Variants in EIF3I observed in about 807,000 individuals in gnomAD.
EIF3I encodes TGF-beta receptor-interacting protein 1.
EIF3I carries 20 observed loss-of-function variants against 43.3 expected under a neutral mutation model. The observed-to-expected ratio is 0.46, with a 90% CI of 0.32 to 0.67. EIF3I has a LOEUF of 0.67. Among genes scored for constraint, EIF3I ranks in the 30% least tolerant of loss-of-function variants. EIF3I has a pLI of 0.03. For missense variants in EIF3I, 279 were observed against 421.4 expected (o/e 0.66, Z 2.96); for synonymous variants, 167 against 151.7 (o/e 1.10, Z -0.74).
chr1:32,227,311 A>T (rs1429702783), intron 6 of EIF3I, among the ~76,000 whole-genome samples: 1 of 151,248 alleles, frequency 6.6e-6, no homozygotes, highest in African/African-American at 2.4e-5. Context: ...TTAATAAAAA[A>T]TTTTAAAAAG....
At chr1:32,225,749 G>A (rs544292468) in intron 4 of EIF3I, among the ~76,000 whole-genome samples, 8 of 151,838 alleles carry the variant, frequency 5.3e-5, no homozygotes, top group African/African-American at 1.9e-4. Context: ...AAGGCCGGGC[G>A]CGGTGGCTCA....
rs189766883 is a variant in EIF3I, at chr1:32,223,993, C to G, written c.97-41C>G. On this transcript the variant is annotated intron_variant, in intron 2 of 11. Coordinates refer to ENST00000676679, the Ensembl canonical transcript of EIF3I. ...TGGGGCAAAATAGGAAGCCATTGCT[C>G]TTACTGGGATGTGTACTATCCTGTG... 2.7e-5 allele frequency: 43 copies of G among 1,598,034 alleles called. No individual in the cohort carries two copies. The East Asian group carries it at 7.8e-4, about 29-fold the overall frequency.
intron 8 of EIF3I, 90 bp from the exon 9 acceptor site, chr1:32,229,045 G>A: frequency 2.2e-6 from 3 of 1,387,752 alleles, no homozygotes; most frequent in South Asian, 2.6e-5. Flanking sequence ...ATTGAGCCGT[G>A]TGAGATGTTA....
intron 10 of EIF3I, 51 bp from the exon 10 acceptor site, chr1:32,230,875 AG>A (rs1482096053): frequency 1.4e-6 from 2 of 1,394,860 alleles, no homozygotes; most frequent in African/African-American, 2.9e-5. Context: ...CCACCTCCAA[AG>A]TGTTTTGGAA....
chr1:32,231,095 G>T lies in EIF3I; in HGVS notation c.1008-20G>T. 1 of 1,614,130 alleles carries T rather than the reference G, an allele frequency of 6.2e-7. No individual in the cohort carries two copies. The highest frequency in any genetic ancestry group is 1.1e-5 in the South Asian group (1 of 91,086). The stretch of plus-strand genomic sequence containing the variant: ...TTCCCAGAGTAAGCACCTGACTGGT[G>T]CCTGGCTATCTTTTTCCAGCTACAG... On this transcript the variant is annotated intron_variant, in intron 11 of 11. Transcript: ENST00000676679.
At chr1:32,226,574 T>TC in intron 6 of EIF3I, 44 bp downstream of exon 6, 1 of 1,419,996 alleles carries the variant, frequency 7.0e-7, no homozygotes, top group East Asian at 2.5e-5. Flanking sequence ...ATAATTTTTT[T>TC]TTTTTTTTTT....
chr1:32,223,402 A>T (rs775434774), intron 2 of EIF3I, among the ~76,000 whole-genome samples: 1 of 150,662 alleles, frequency 6.6e-6, no homozygotes, highest in Non-Finnish European at 1.5e-5. Context: ...TCCTGCCTCA[A>T]CCTCCCTAGT....
At chr1:32,226,560 C>G (rs1425629319) in intron 6 of EIF3I, 30 bp downstream of exon 6, 1 of 1,431,020 alleles carries the variant, frequency 7.0e-7, no homozygotes, top group Non-Finnish European at 9.2e-7. Flanking sequence ...CTGAGCCTAC[C>G]AGAATAATTT....
intron 9 of EIF3I, among the ~76,000 whole-genome samples, chr1:32,229,989 G>T (rs547824744): frequency 6.6e-6 from 1 of 152,244 alleles, no homozygotes; most frequent in African/African-American, 2.4e-5. Context: ...CACATAGTAG[G>T]CACTCTATAA....
intron 9 of EIF3I, among the ~76,000 whole-genome samples, chr1:32,229,547 C>CTTTTT (rs1199129615): frequency 9.6e-6 from 1 of 104,486 alleles, no homozygotes; most frequent in Non-Finnish European, 2.0e-5. Context: ...CGTGCCCAGC[C>CTTTTT]TTTTTTTTTT....
At position 32,224,592 on chromosome 1, in the gene EIF3I, A is replaced by T. The variant is rs1408834805; in HGVS notation, c.250+117A>T. 4.3e-6 allele frequency: 3 copies of T among 695,606 alleles called. No homozygotes were observed. The African/African-American group carries it at 5.4e-5, about 12-fold the overall frequency. The allele number at this position is 695,606 out of a possible 1,614,324, so 43.1% of individuals were successfully genotyped here. ...TCCATAGATAGTTTCCAGTCTAGGG[A>T]ATAAGAGACAAGAAAGATAGATGAG... On this transcript the variant is annotated intron_variant, in intron 4 of 11. Transcript: ENST00000676679.
At chr1:32,231,490 T>TAA, downstream of EIF3I, 1 of 228,806 alleles carries the variant, frequency 4.4e-6, no homozygotes, top group Non-Finnish European at 8.4e-6. Context: ...AAACTCCGTC[T>TAA]CAAAAAAAAA....
exon 7 of EIF3I, chr1:32,228,503 G>A (rs763075266): frequency 6.2e-6 from 10 of 1,613,904 alleles, no homozygotes; most frequent in Non-Finnish European, 7.6e-6. Flanking sequence ...CCCTAGTCTG[G>A]AGAGGTGTTG....
At position 32,222,462 on chromosome 1, in the gene EIF3I, G is replaced by A. The variant is rs749825674; in HGVS notation, c.3+18G>A. 9 of 1,608,848 alleles carry A rather than the reference G, an allele frequency of 5.6e-6. No individual in the cohort carries two copies. The highest frequency in any genetic ancestry group is 4.0e-5 in the African/African-American group (3 of 74,828). ...CCGGGATGGTGAGTTTCAGAGTTAG[G>A]GGTATTGCAGTGGGGGTCCTGGGCT... is the stretch of plus-strand genomic sequence containing the variant. On this transcript the variant is annotated intron_variant, in intron 1 of 11. Transcript: ENST00000676679.
exon 10 of EIF3I, among the ~76,000 whole-genome samples, chr1:32,230,337 C>T (rs1318318647): frequency 6.6e-6 from 1 of 152,092 alleles, no homozygotes; most frequent in African/African-American, 2.4e-5. Flanking sequence ...TGGGCTCAAG[C>T]GATCCTTCTA....
downstream of EIF3I, among the ~76,000 whole-genome samples, chr1:32,232,991 CTTAT>C (rs529414159): frequency 2.8e-4 from 42 of 152,122 alleles, no homozygotes; most frequent in East Asian, 2.1e-3. Flanking sequence ...CTTTTATTTA[CTTAT>C]TTATTTATTT....
chr1:32,231,236 T>A, exon 12 of EIF3I: 1 of 1,585,656 alleles, frequency 6.3e-7, no homozygotes. Flanking sequence ...CTCATGCCTG[T>A]AATCCCACCA....
chr1:32,226,609 C>T, intron 6 of EIF3I, 79 bp downstream of exon 6: 2 of 1,354,730 alleles, frequency 1.5e-6, no homozygotes, highest in East Asian at 2.7e-5. Context: ...CTCTGTTGCC[C>T]AGGCTGGAGT....
At chr1:32,228,411 T>C in intron 6 of EIF3I, 88 bp from the exon 7 acceptor site, 1 of 1,083,510 alleles carries the variant, frequency 9.2e-7, no homozygotes, top group Non-Finnish European at 1.4e-6. Context: ...CCATGCTGTC[T>C]CAGCTTTCAT....
Sources: allele counts gnomAD v4.1 joint callset (sites outside exome capture counted in the v4.1 genomes callset), GRCh38; gene constraint gnomAD v4.1.1; transcripts MANE v1.5; gene names NCBI Gene and HGNC (gene_info 2026-07-23, HGNC 2026-07-21).